The following PRDM9 variants were observed in gnomAD, a reference collection of about 807,000 sequenced individuals.
PRDM9 encodes the protein PR/SET domain 9.
In PRDM9, 47 loss-of-function variants were observed where a neutral mutation model predicts 55.6. That is an observed-to-expected ratio of 0.85 (90% confidence interval 0.67 to 1.08). PRDM9 has a LOEUF of 1.08. Ranked by LOEUF, PRDM9 falls within the 50% of genes least tolerant of loss-of-function variation. PRDM9 has a pLI of 0.00. For missense variants in PRDM9, 867 were observed against 1,040.3 expected, an observed-to-expected ratio of 0.83 and a Z score of 2.29; for synonymous variants, 312 against 375.7, an observed-to-expected ratio of 0.83 and a Z score of 1.96.
rs1244544566 is a variant in PRDM9, at chr5:23,526,565, A to G, written c.1477A>G (p.Ile493Val). 1 of 1,614,258 alleles carries G rather than the reference A, an allele frequency of 6.2e-7. No individual in the cohort carries two copies. The highest frequency in any genetic ancestry group is 1.7e-5 in the Admixed American group (1 of 60,036). ...GGGGAGCTGTAGAGTGGGAAAAAGA[A>G]TAATGGAAGAAGAGTCCAGAACAGG... The part of the protein sequence containing the change: ...QMGSCRVGKR[I>V]MEEESRTGQK... Residue 493 changes from isoleucine to valine, a missense_variant, in exon 11 of 11, where the codon ATA becomes GTA. By Grantham distance (29) the Ile-to-Val change is conservative. This residue lies in a region of PRDM9 where 662 missense variants were observed against 711.9 expected (regional missense o/e 0.93). Transcript: ENST00000296682.
At chr5:23,526,180 T>C (rs1739424749) in intron 10 of PRDM9, 53 bp from the exon 11 acceptor site, 1 of 1,538,176 alleles carries the variant, frequency 6.5e-7, no homozygotes, top group Non-Finnish European at 9.0e-7. Context: ...TACCTTCATA[T>C]GTGGTAAGGC....
In PRDM9 at chr5:23,527,844, C is replaced by G; in HGVS notation, c.*71C>G. On this transcript the variant is annotated 3_prime_UTR_variant, in exon 11 of 11. Transcript: ENST00000296682. ...TGTGGTCACCACACACTTGCACACC[C>G]CAGCTGTGAGGTGGCTTCAGCGGAA... The G allele has an allele frequency of 6.3e-7, 1 of 1,590,270 alleles. No individual in the cohort carries two copies. Among genetic ancestry groups the G allele is most frequent in the South Asian group, 1.1e-5 (1 of 90,126 alleles).
rs1451533748 is a variant in PRDM9, at chr5:23,527,759, A to G, written c.2671A>G (p.Arg891Gly). ...CACAGGGGAGAAGCCCTACGTCTGC[A>G]GGGAGGATGAGTAAGTCATTAGTAA... Reference protein sequence around the residue: ...THTGEKPYVCREDE With the variant: ...THTGEKPYVCGEDE Residue 891 changes from arginine to glycine, a missense_variant, in exon 11 of 11, where the codon AGG becomes GGG. Coordinates refer to ENST00000296682, the MANE Select transcript of PRDM9 (RefSeq NM_020227.4). The G allele has an allele frequency of 6.2e-7, 1 of 1,613,986 alleles. No individual in the cohort carries two copies. Among genetic ancestry groups the G allele is most frequent in the Non-Finnish European group, 8.5e-7 (1 of 1,180,014 alleles).
At position 23,514,516 on chromosome 5, in the gene PRDM9, T is replaced by A. The variant is rs186660349; in HGVS notation, c.302-3365T>A. ...CAGGCTGGAGTTCAGTGGTGCGATCTCAGCTCACTGCAAACTCCACCTCCT... is the reference window on the plus strand; with the variant it reads ...CAGGCTGGAGTTCAGTGGTGCGATCACAGCTCACTGCAAACTCCACCTCCT... On this transcript the variant is annotated intron_variant, in intron 4 of 10. Coordinates refer to ENST00000296682, the MANE Select transcript of PRDM9 (RefSeq NM_020227.4). Among the ~76,000 whole-genome samples the A allele has an allele frequency of 9.2e-5, 14 of 152,238 alleles. No homozygotes were observed. The East Asian group carries it at 2.7e-3, about 29-fold the overall frequency.
intron 4 of PRDM9, among the ~76,000 whole-genome samples, chr5:23,510,979 C>T (rs1739083670): frequency 6.6e-6 from 1 of 150,538 alleles, no homozygotes; most frequent in South Asian, 2.1e-4. Flanking sequence ...AACTCCGTCT[C>T]CACTAAAAAT....
Position 23,511,069 on chromosome 5 carries a change from TA to T in PRDM9, c.301+1043del, listed in dbSNP as rs543051975. On this transcript the variant is annotated intron_variant, in intron 4 of 10. Coordinates refer to ENST00000296682, the MANE Select transcript of PRDM9 (RefSeq NM_020227.4). Reference sequence around the variant, plus strand: ...TACTCAGGAGGCTGAGGCTGGGGAATAGCTTGAACCCATGAGGCAGAGGTGG... The same window carrying T: ...TACTCAGGAGGCTGAGGCTGGGGAATGCTTGAACCCATGAGGCAGAGGTGG... 5.0e-3 allele frequency among the ~76,000 whole-genome samples: 763 copies of T among 151,428 alleles called. 7 individuals are homozygous for T. The highest frequency in any genetic ancestry group is 0.018 in the African/African-American group (738 of 41,348).
chr5:23,515,602 T>G (rs1240015647), intron 4 of PRDM9, among the ~76,000 whole-genome samples: 1 of 152,250 alleles, frequency 6.6e-6, no homozygotes, highest in Non-Finnish European at 1.5e-5. Context: ...TTCAATGTCA[T>G]AAGCTTTTCC....
At chr5:23,513,895 C>G (rs1200401238) in intron 4 of PRDM9, among the ~76,000 whole-genome samples, 5 of 151,698 alleles carry the variant, frequency 3.3e-5, no homozygotes, top group African/African-American at 4.8e-5. Context: ...AAAACAAAAA[C>G]AAAAAAACCC....
At chr5:23,511,974 CT>C (rs57563669) in intron 4 of PRDM9, among the ~76,000 whole-genome samples, 1,626 of 139,716 alleles carry the variant, frequency 0.012, 16 homozygotes, top group African/African-American at 0.03. Context: ...ATTTGTCATT[CT>C]TTTTTTTTTT....
chr5:23,516,563 A>G (rs1183313893), intron 4 of PRDM9, among the ~76,000 whole-genome samples: 4 of 150,280 alleles, frequency 2.7e-5, no homozygotes. Context: ...TAGTAGAGAC[A>G]GGGTTTCACC....
chr5:23,518,726 C>T (rs1739268710), intron 5 of PRDM9, among the ~76,000 whole-genome samples: 1 of 152,232 alleles, frequency 6.6e-6, no homozygotes, highest in Non-Finnish European at 1.5e-5. Context: ...TTCAAATTCT[C>T]ATTCCTACAG....
At chr5:23,525,293 T>C (rs1739409179) in intron 10 of PRDM9, among the ~76,000 whole-genome samples, 2 of 152,300 alleles carry the variant, frequency 1.3e-5, no homozygotes, top group East Asian at 1.9e-4. Flanking sequence ...CTCCAGTGGG[T>C]CATCCCCTCA....
At chr5:23,510,196 A>C (rs2126407236) in intron 4 of PRDM9, among the ~76,000 whole-genome samples, 169 bp downstream of exon 4, 1 of 151,746 alleles carries the variant, frequency 6.6e-6, no homozygotes, top group East Asian at 2.0e-4. Flanking sequence ...CTGGGATTAC[A>C]AGCATCCACC....
At chr5:23,522,923 C>G (rs1435773677) in intron 8 of PRDM9, 38 bp downstream of exon 8, 1 of 1,614,086 alleles carries the variant, frequency 6.2e-7, no homozygotes, top group Non-Finnish European at 8.5e-7. Flanking sequence ...TCTGTCTTCC[C>G]ACATCCCTTC....
At chr5:23,525,571 C>T (rs1413120259) in intron 10 of PRDM9, among the ~76,000 whole-genome samples, 1 of 152,156 alleles carries the variant, frequency 6.6e-6, no homozygotes, top group Non-Finnish European at 1.5e-5. Context: ...TCAGTGGGAC[C>T]TGGACCACTC....
At chr5:23,512,753 C>G (rs1433687076) in intron 4 of PRDM9, among the ~76,000 whole-genome samples, 2 of 152,050 alleles carry the variant, frequency 1.3e-5, no homozygotes, top group East Asian at 3.9e-4. Flanking sequence ...GACTAAAACC[C>G]TATACCCATT....
rs1739320479 is a variant in PRDM9 at position 23,521,169 on chromosome 5, A to G, written c.498A>G (p.Arg166=). ...GEASTSGQHS[R]LKLELRKKET... ...CAAGTACCTCTGGACAGCACTCAAG[A>G]CTAAAACTGGGTAAGAAAAAATATT... Residue 166 remains arginine, a synonymous_variant, in exon 6 of 11, where the codon AGA becomes AGG. Transcript: ENST00000296682. 1 of 1,613,132 alleles carries G rather than the reference A, an allele frequency of 6.2e-7. No individual in the cohort carries two copies. The highest frequency in any genetic ancestry group is 8.5e-7 in the Non-Finnish European group (1 of 1,180,028).
intron 4 of PRDM9, among the ~76,000 whole-genome samples, chr5:23,511,428 C>T (rs1739095735): frequency 6.6e-6 from 1 of 152,112 alleles, no homozygotes; most frequent in Non-Finnish European, 1.5e-5. Context: ...TCACTGCAAC[C>T]TCCACCTCCC....
At position 23,508,941 on chromosome 5, in the gene PRDM9, C is replaced by T. The variant is rs560993681; in HGVS notation, c.-84-9C>T. ...TGTTGCCCCCTCTCAGCACCTTCTCCTTCCACAGGAGCCTTTGGCCTAGGA... is the reference window on the plus strand; with the variant it reads ...TGTTGCCCCCTCTCAGCACCTTCTCTTTCCACAGGAGCCTTTGGCCTAGGA... On this transcript the variant is annotated splice_polypyrimidine_tract_variant and intron_variant, in intron 1 of 10. Transcript: ENST00000296682. 7 of 1,476,484 alleles carry T rather than the reference C, an allele frequency of 4.7e-6. No homozygotes were observed. Among genetic ancestry groups the T allele is most frequent in the East Asian group, 2.4e-5 (1 of 41,742 alleles). The allele number at this position is 1,476,484 out of a possible 1,614,324, so 91.5% of individuals were successfully genotyped here. A position where few individuals can be genotyped will look rare whatever the true frequency, so the allele number is the denominator to read the frequency against.
Sources: gnomAD v4.1 joint callset for allele counts (sites outside exome capture counted in the v4.1 genomes callset) on GRCh38, gnomAD v4.1.1 for gene constraint, gnomAD v4.1.1 regional missense constraint, MANE v1.5 for transcripts, NCBI Gene and HGNC (gene_info 2026-07-23, HGNC 2026-07-21) for gene names.